Variants in COL6A3 observed in about 807,000 individuals in gnomAD.
The protein encoded by COL6A3 is collagen type VI alpha 3 chain, also known as collagen alpha-3(VI) chain.
COL6A3 carries 137 observed loss-of-function variants against 274.1 expected under a neutral mutation model. That is an observed-to-expected ratio of 0.50 (90% CI 0.44 to 0.58). The LOEUF (loss-of-function observed/expected upper bound fraction) is 0.58. Ranked by LOEUF, COL6A3 falls within the 20% of genes least tolerant of loss-of-function variation. The pLI is 0.00. For missense variants in COL6A3, 3,950 were observed against 4,124.9 expected (o/e 0.96, Z 1.16); for synonymous variants, 1,650 against 1,650.6 (o/e 1.00, Z 0.01).
At chr2:237,369,399 G>A (rs978597612) in intron 9 of COL6A3, among the ~76,000 whole-genome samples, 3 of 152,178 alleles carry the variant, frequency 2.0e-5, no homozygotes, top group African/African-American at 7.2e-5. Context: ...TCCAAAACGT[G>A]TCTTTCTGAA....
intron 20 of COL6A3, among the ~76,000 whole-genome samples, chr2:237,358,818 C>T (rs2077373315): frequency 6.6e-6 from 1 of 152,208 alleles, no homozygotes; most frequent in Non-Finnish European, 1.5e-5. Flanking sequence ...ACAAAACAAA[C>T]TCAGTCCCTG....
intron 3 of COL6A3, among the ~76,000 whole-genome samples, chr2:237,390,076 T>C (rs891965131): frequency 6.6e-6 from 1 of 152,172 alleles, no homozygotes; most frequent in East Asian, 1.9e-4. Flanking sequence ...CCTAAACCAA[T>C]GACCTCAAAG....
At chr2:237,348,569 T>C in intron 29 of COL6A3, 44 bp downstream of exon 29, 1 of 1,590,626 alleles carries the variant, frequency 6.3e-7, no homozygotes, top group Non-Finnish European at 8.6e-7. Flanking sequence ...CCTTGGAGCC[T>C]CCTGGCAGCA....
In COL6A3 at chr2:237,361,150, G is replaced by A. The variant is rs797045479; in HGVS notation, c.6181C>T (p.Arg2061Ter). 3.1e-6 allele frequency: 5 copies of A among 1,614,054 alleles called. No homozygotes were observed. The highest frequency in any genetic ancestry group is 2.5e-6 in the Non-Finnish European group (3 of 1,179,988). The change falls in exon 16 of 44, where the codon CGA becomes TGA. Residue 2061 changes from arginine (R) to a stop codon, truncating the protein, a stop_gained. Transcript: ENST00000295550. LOFTEE classifies it high-confidence loss of function. The surrounding 1 kb of genome is among the most constrained non-coding windows in gnomAD (Gnocchi z 5.1). ...CCACCCTCATCACCAGGATAGCCTCGGTAGCCGTCTTCTCCAGGAATACCC... is the reference window on the plus strand; with the variant it reads ...CCACCCTCATCACCAGGATAGCCTCAGTAGCCGTCTTCTCCAGGAATACCC... ...PKGIPGEDGY[R>*]GYPGDEGGPG...
intron 1 of COL6A3, among the ~76,000 whole-genome samples, chr2:237,412,294 C>T (rs1002105248): frequency 2.6e-5 from 4 of 152,232 alleles, no homozygotes; most frequent in African/African-American, 9.6e-5. Context: ...ATTCCGGTCA[C>T]GGAACCGATG....
rs183292579 is a variant in COL6A3 at position 237,383,178 on chromosome 2, G to A, written c.1313-1679C>T. ...GAGCGTGATGCCTGGGGTGAGAATC[G>A]CTGATACATGCCAAATGAAGACAGC... is the stretch of plus-strand genomic sequence containing the variant. On this transcript the variant is annotated intron_variant, in intron 4 of 43. Transcript: ENST00000295550. 4.1e-4 allele frequency among the ~76,000 whole-genome samples: 62 copies of A among 152,258 alleles called. 3 individuals are homozygous for A. The highest frequency in any genetic ancestry group is 3.5e-3 in the Admixed American group (54 of 15,292).
rs71905592 is a variant in COL6A3 at position 237,348,242 on chromosome 2, AGT to A, written c.6966+105_6966+106del. 30,421 of 972,654 alleles carry A rather than the reference AGT, an allele frequency of 0.031. 1,323 individuals carry two copies. The highest frequency in any genetic ancestry group is 0.18 in the African/African-American group (11,281 of 62,752). 60.3% of individuals were successfully genotyped at this position (972,654 alleles called of 1,614,324 possible). A position where few individuals can be genotyped will look rare whatever the true frequency, so the allele number is the denominator to read the frequency against. On this transcript the variant is annotated intron_variant, in intron 30 of 43. Transcript: ENST00000295550. ...TTTCTCAGGGTAGCCCAGTTAACTG[AGT>A]GGCTGACCCAAGACTAATGCCAAGA... is the stretch of plus-strand genomic sequence containing the variant.
rs148426145 is a variant in COL6A3, at chr2:237,337,854, G to A, written c.8567+1161C>T. On this transcript the variant is annotated intron_variant, in intron 39 of 43. Coordinates refer to ENST00000295550, the MANE Select transcript of COL6A3 (RefSeq NM_004369.4). ...GGGCCAGGCAGCAGCATCGGCATGGGTGCCACAGTCCTGCCCACTCCCACC... is the reference window on the plus strand; with the variant it reads ...GGGCCAGGCAGCAGCATCGGCATGGATGCCACAGTCCTGCCCACTCCCACC... 3.6e-3 allele frequency among the ~76,000 whole-genome samples: 550 copies of A among 151,480 alleles called. 4 individuals are homozygous for A. The highest frequency in any genetic ancestry group is 0.014 in the Middle Eastern group (4 of 294).
rs142927788 is a variant in COL6A3 at position 237,332,833 on chromosome 2, G to C, written c.9328+617C>G. ...TGAATGAGAGATTCCAGGTCTCTCAGAGTTTCACTGCCCAAGAACAAAAGC... is the reference window on the plus strand; with the variant it reads ...TGAATGAGAGATTCCAGGTCTCTCACAGTTTCACTGCCCAAGAACAAAAGC... On this transcript the variant is annotated intron_variant, in intron 42 of 43. Coordinates refer to ENST00000295550, the MANE Select transcript of COL6A3 (RefSeq NM_004369.4). 5.0e-3 allele frequency: 776 copies of C among 156,026 alleles called. 1 individual carries two copies. The highest frequency in any genetic ancestry group is 0.027 in the Middle Eastern group (8 of 294). The allele number at this position is 156,026 out of a possible 1,614,324, so 9.7% of individuals were successfully genotyped here.
chr2:237,401,981 G>A (rs563130071), intron 1 of COL6A3, among the ~76,000 whole-genome samples: 9 of 152,142 alleles, frequency 5.9e-5, no homozygotes, highest in East Asian at 3.9e-4. Flanking sequence ...CACTGTGCAC[G>A]GCCTACTGTA....
chr2:237,360,535 G>A (rs1358672525), intron 16 of COL6A3, among the ~76,000 whole-genome samples: 1 of 152,128 alleles, frequency 6.6e-6, no homozygotes, highest in African/African-American at 2.4e-5. Flanking sequence ...AGCCCTGCCG[G>A]CTGGGCCCTG....
At position 237,368,527 on chromosome 2, in the gene COL6A3, G is replaced by A. The variant is rs780063535; in HGVS notation, c.4900+36C>T. On this transcript the variant is annotated intron_variant, in intron 10 of 43. Transcript: ENST00000295550. This position sits in a 1 kb window ranked among gnomAD's most constrained non-coding sequence, Gnocchi z 4.4. Reference sequence around the variant, plus strand: ...TTTTAACTAAAAAAAAAATGTTGATGTCACACTCTGTAGTCATGGGTCACA... The same window carrying A: ...TTTTAACTAAAAAAAAAATGTTGATATCACACTCTGTAGTCATGGGTCACA... 2 of 1,608,478 alleles carry A rather than the reference G, an allele frequency of 1.2e-6. No homozygotes were observed. Among genetic ancestry groups the A allele is most frequent in the South Asian group, 1.1e-5 (1 of 90,244 alleles).
chr2:237,381,780 G>A (rs991279138), intron 4 of COL6A3, among the ~76,000 whole-genome samples: 7 of 152,146 alleles, frequency 4.6e-5, no homozygotes, highest in African/African-American at 1.2e-4. Context: ...CACCTGTTTT[G>A]TATGCTGTCA....
chr2:237,361,126 C>T lies in COL6A3; in HGVS notation c.6205G>A (p.Gly2069Arg). The T allele has an allele frequency of 6.2e-7, 1 of 1,613,990 alleles. No individual in the cohort carries two copies. Among genetic ancestry groups the T allele is most frequent in the South Asian group, 1.1e-5 (1 of 91,070 alleles). The change falls in exon 16 of 44, where the codon GGA (glycine) becomes AGA (arginine). Residue 2069 changes from glycine (G) to arginine (R), a missense_variant. By Grantham distance (125) the Gly-to-Arg change is moderately radical (BLOSUM62 -2). Around this residue, in one of 5 missense-constraint regions of COL6A3, gnomAD observed 92 missense variants for 143.4 expected, o/e 0.64. Coordinates refer to ENST00000295550, the MANE Select transcript of COL6A3 (RefSeq NM_004369.4). The surrounding 1 kb of genome is among the most constrained non-coding windows in gnomAD (Gnocchi z 5.1). ...CTAAAACAATTTTTACTTACGGGTC[C>T]ACCCTCATCACCAGGATAGCCTCGG... The part of the protein sequence containing the change: ...GYRGYPGDEG[G>R]PGERGPPGVN...
chr2:237,397,154 A>G (rs948236549), intron 1 of COL6A3, among the ~76,000 whole-genome samples: 37 of 131,092 alleles, frequency 2.8e-4, no homozygotes, highest in Middle Eastern at 3.8e-3. Context: ...GGAAGGGAAG[A>G]GAAGGGAAGG....
At chr2:237,330,423 G>T (rs1700168868) in intron 42 of COL6A3, among the ~76,000 whole-genome samples, 1 of 152,192 alleles carries the variant, frequency 6.6e-6, no homozygotes, top group Non-Finnish European at 1.5e-5. Context: ...AGTGGCTGGA[G>T]CATAATTCTT....
chr2:237,341,989 A>G, intron 37 of COL6A3, 76 bp downstream of exon 37: 1 of 1,144,880 alleles, frequency 8.7e-7, no homozygotes, highest in Non-Finnish European at 1.3e-6. Context: ...GATCATCATT[A>G]TTCTCTCACT....
chr2:237,413,218 C>G lies in COL6A3; in HGVS notation c.-31+735G>C, dbSNP rs1378068212. On this transcript the variant is annotated intron_variant, in intron 1 of 43. Transcript: ENST00000295550. The surrounding 1 kb of genome is among the most constrained non-coding windows in gnomAD (Gnocchi z 4.0). ...GCAGCATGGGCTGGCCCTGCAGCCC[C>G]AGGGGCCCTGCCTTAGACACTCAGC... Among the ~76,000 whole-genome samples, 2 of 152,190 alleles carry G rather than the reference C, an allele frequency of 1.3e-5. No homozygotes were observed. Among genetic ancestry groups the G allele is most frequent in the African/African-American group, 4.8e-5 (2 of 41,446 alleles).
At chr2:237,399,234 G>T (rs2078528457) in intron 1 of COL6A3, among the ~76,000 whole-genome samples, 1 of 152,220 alleles carries the variant, frequency 6.6e-6, no homozygotes, top group South Asian at 2.1e-4. Flanking sequence ...AGCCAGAGAT[G>T]TTGGGGAAAG....
Sources: gnomAD v4.1 joint callset for allele counts (sites outside exome capture counted in the v4.1 genomes callset) on GRCh38, gnomAD v4.1.1 for gene constraint, gnomAD v4.1.1 regional missense constraint, Gnocchi (gnomAD v3.1) non-coding constraint, MANE v1.5 for transcripts, NCBI Gene and HGNC (gene_info 2026-07-23, HGNC 2026-07-21) for gene names.